The following OTOF variants were observed in gnomAD, a reference collection of about 807,000 sequenced individuals.
OTOF encodes the protein fer-1-like family member 2.
OTOF carries 218 observed loss-of-function variants against 236.8 expected under a neutral mutation model. The observed-to-expected ratio is 0.92, with a 90% CI of 0.82 to 1.03. The LOEUF is 1.03. OTOF is among the 50% of genes least tolerant of loss of function. OTOF has a pLI of 0.00. For missense variants in OTOF, 2,590 were observed against 2,694.4 expected (o/e 0.96, Z 0.86); for synonymous variants, 1,041 against 1,072.5 (o/e 0.97, Z 0.57).
chr2:26,517,328 C>G (rs574929443), intron 4 of OTOF, among the ~76,000 whole-genome samples: 1 of 152,204 alleles, frequency 6.6e-6, no homozygotes, highest in Admixed American at 6.5e-5. Context: ...GTGCCCCAGA[C>G]AGGCGGCCCT....
chr2:26,477,278 C>G lies in OTOF; in HGVS notation c.2417G>C (p.Gly806Ala). ...GGCCCGCAGCATCCTGGCCTGCTGC[C>G]CCATGTTTTCCTGCGAAGGAGGGGG... ...KSCMRELENM[G>A]QQARMLRAQV... The change falls in exon 21 of 47, where the codon GGG becomes GCG. Residue 806 changes from glycine to alanine, a missense_variant. This residue lies in a region of OTOF where 1,379 missense variants were observed against 1,341.6 expected (regional missense o/e 1.03). Coordinates refer to ENST00000272371, the MANE Select transcript of OTOF (RefSeq NM_194248.3). The surrounding 1 kb of genome is among the most constrained non-coding windows in gnomAD (Gnocchi z 4.7). 1 of 1,609,112 alleles carries G rather than the reference C, an allele frequency of 6.2e-7. No homozygotes were observed. The highest frequency in any genetic ancestry group is 8.5e-7 in the Non-Finnish European group (1 of 1,178,878).
chr2:26,555,737 C>T (rs775322568), intron 1 of OTOF, among the ~76,000 whole-genome samples: 76 of 152,280 alleles, frequency 5.0e-4, no homozygotes, highest in Non-Finnish European at 7.9e-4. Flanking sequence ...CTCTCCTCTT[C>T]CCTTTATATC....
intron 8 of OTOF, 102 bp from the exon 9 acceptor site, chr2:26,495,175 C>A: frequency 7.8e-7 from 1 of 1,288,866 alleles, no homozygotes; most frequent in Middle Eastern, 2.1e-4. Flanking sequence ...AGAGGGAGGG[C>A]CCGGGAGCCA....
Position 26,495,091 on chromosome 2 carries a change from G to A in OTOF, c.766-18C>T. The A allele has an allele frequency of 1.9e-6, 3 of 1,613,958 alleles. No homozygotes were observed. The South Asian group carries it at 3.3e-5, about 18-fold the overall frequency. ...ATGCTGACCTGCAGGCAGGAGAAGG[G>A]GGAGCCAGAAGGAAAGCTGCCTGAG... On this transcript the variant is annotated intron_variant, in intron 8 of 46. Coordinates refer to ENST00000272371, the MANE Select transcript of OTOF (RefSeq NM_194248.3).
At chr2:26,489,572 G>A (rs910489392) in intron 10 of OTOF, 106 bp downstream of exon 10, 41 of 951,080 alleles carry the variant, frequency 4.3e-5, no homozygotes, top group East Asian at 7.5e-5. Context: ...CAGGCACGGC[G>A]CTGCCTCTTT....
Position 26,461,880 on chromosome 2 carries a change from G to A in OTOF, c.5349C>T (p.Leu1783=), listed in dbSNP as rs774746986. ...KQDTDVHYHS[L]TGEGNFNWRY... is the part of the protein sequence containing the mutation. ...GCCAGTTGAAGTTGCCCTCGCCAGT[G>A]AGGGAGTGGTAGTGGACGTCTGTGT... The change falls in exon 43 of 47, where the codon CTC becomes CTT. Residue 1783 remains leucine (L), a synonymous_variant. Transcript: ENST00000272371. The surrounding 1 kb of genome is among the most constrained non-coding windows in gnomAD (Gnocchi z 6.2). The A allele has an allele frequency of 4.3e-6, 7 of 1,614,072 alleles. No homozygotes were observed. Among genetic ancestry groups the A allele is most frequent in the Non-Finnish European group, 5.9e-6 (7 of 1,180,034 alleles).
intron 1 of OTOF, among the ~76,000 whole-genome samples, chr2:26,540,912 C>A (rs529955532): frequency 1.3e-5 from 2 of 152,356 alleles, no homozygotes; most frequent in African/African-American, 4.8e-5. Context: ...AATATCTCAA[C>A]AACAAGCCCC....
chr2:26,522,253 C>T (rs918804866), intron 3 of OTOF, among the ~76,000 whole-genome samples: 1 of 152,216 alleles, frequency 6.6e-6, no homozygotes, highest in Non-Finnish European at 1.5e-5. Context: ...TTGATATTAT[C>T]TCAGCCTTAT....
At position 26,480,233 on chromosome 2, in the gene OTOF, C is replaced by T. The variant is rs1004631548; in HGVS notation, c.1882G>A (p.Asp628Asn). 15 of 1,612,630 alleles carry T rather than the reference C, an allele frequency of 9.3e-6. 1 individual carries two copies. The highest frequency in any genetic ancestry group is 2.2e-5 in the South Asian group (2 of 91,076). The change falls in exon 16 of 47, where the codon GAC (aspartate) becomes AAC (asparagine). Residue 628 changes from aspartate to asparagine, a missense_variant. By Grantham distance (23) the Asp-to-Asn change is conservative. Coordinates refer to ENST00000272371, the MANE Select transcript of OTOF (RefSeq NM_194248.3). ...EASMIDRRNG[D>N]KPITFEVTIG... is the part of the protein sequence containing the mutation. ...GTGACCTCAAAGGTGATGGGCTTGT[C>T]TCCGTTTCTCCGGTCGATCATTGAG...
chr2:26,550,756 C>T (rs1043887928), intron 1 of OTOF, among the ~76,000 whole-genome samples: 6 of 152,190 alleles, frequency 3.9e-5, no homozygotes, highest in African/African-American at 7.2e-5. Flanking sequence ...CCGCCTGCCC[C>T]GGGCTTCCTC....
At position 26,477,528 on chromosome 2, in the gene OTOF, G is replaced by T. The variant is rs1261802067; in HGVS notation, c.2316-22C>A. 2 of 1,597,580 alleles carry T rather than the reference G, an allele frequency of 1.3e-6. No individual in the cohort carries two copies. Among genetic ancestry groups the T allele is most frequent in the African/African-American group, 2.7e-5 (2 of 74,788 alleles). ...GCGGCTGGGGGTAGGGCGAGCCGGG[G>T]TTTAGCGAGCCTGACCAGCAGGGGC... On this transcript the variant is annotated intron_variant, in intron 19 of 46. Transcript: ENST00000272371. The surrounding 1 kb of genome is among the most constrained non-coding windows in gnomAD (Gnocchi z 4.7).
intron 1 of OTOF, among the ~76,000 whole-genome samples, chr2:26,544,339 G>T (rs1667279352): frequency 6.6e-6 from 1 of 152,126 alleles, no homozygotes; most frequent in African/African-American, 2.4e-5. Flanking sequence ...TCCCTTTCCA[G>T]TCGATTTCTA....
intron 6 of OTOF, 126 bp from the exon 7 acceptor site, chr2:26,502,552 G>T: frequency 1.1e-6 from 1 of 946,192 alleles, no homozygotes; most frequent in Non-Finnish European, 1.6e-6. Context: ...CTACCGCTTA[G>T]AATATTATGG....
chr2:26,553,261 C>T (rs1454037625), intron 1 of OTOF, among the ~76,000 whole-genome samples: 1 of 152,128 alleles, frequency 6.6e-6, no homozygotes, highest in Non-Finnish European at 1.5e-5. Flanking sequence ...GTGGCTTCCC[C>T]GACATGGAAC....
chr2:26,550,998 TC>T (rs149945092), intron 1 of OTOF, among the ~76,000 whole-genome samples: 3,655 of 152,238 alleles, frequency 0.024, 66 homozygotes, highest in Middle Eastern at 0.051. Flanking sequence ...ATGGCTTTTT[TC>T]CCCCCCTTGA....
At chr2:26,507,305 A>G (rs1666274085) in intron 5 of OTOF, among the ~76,000 whole-genome samples, 1 of 152,212 alleles carries the variant, frequency 6.6e-6, no homozygotes, top group African/African-American at 2.4e-5. Flanking sequence ...CATCACTGCC[A>G]CTAGCCTTTG....
chr2:26,479,331 C>A lies in OTOF; in HGVS notation c.2147G>T (p.Ser716Ile). The A allele has an allele frequency of 6.2e-7, 1 of 1,612,800 alleles. No homozygotes were observed. The highest frequency in any genetic ancestry group is 8.5e-7 in the Non-Finnish European group (1 of 1,179,948). The change falls in exon 18 of 47, where the codon AGC (serine) becomes ATC (isoleucine). Residue 716 changes from serine (S) to isoleucine (I), a missense_variant. Around this residue, in one of 2 missense-constraint regions of OTOF, gnomAD observed 1,379 missense variants for 1,341.6 expected, o/e 1.03. Coordinates refer to ENST00000272371, the MANE Select transcript of OTOF (RefSeq NM_194248.3). Reference sequence around the variant, plus strand: ...GCGGCGGCGCTGGTCCGGCCACCAGCTCTTGATGTAGATGCAGGGCTTTCG... The same window carrying A: ...GCGGCGGCGCTGGTCCGGCCACCAGATCTTGATGTAGATGCAGGGCTTTCG... ...LERKPCIYIK[S>I]WWPDQRRRLY...
At position 26,489,208 on chromosome 2, in the gene OTOF, C is replaced by T; in HGVS notation, c.1045+3G>A. The T allele has an allele frequency of 1.2e-6, 2 of 1,608,010 alleles. No homozygotes were observed. The highest frequency in any genetic ancestry group is 8.5e-7 in the Non-Finnish European group (1 of 1,176,422). On this transcript the variant is annotated splice_donor_region_variant and intron_variant, in intron 11 of 46. Coordinates refer to ENST00000272371, the MANE Select transcript of OTOF (RefSeq NM_194248.3). ...GACTGACTGGCCATGCGCAGGTACT[C>T]ACCTGGCTGCGAGTACACGGTTCCC...
At position 26,537,690 on chromosome 2, in the gene OTOF, G is replaced by A. The variant is rs765899656; in HGVS notation, c.138+26C>T. The A allele has an allele frequency of 4.7e-5, 72 of 1,533,460 alleles. No individual in the cohort carries two copies. In the South Asian group the frequency reaches 8.4e-4, roughly 18 times the overall value. The allele number at this position is 1,533,460 out of a possible 1,614,324, so 95.0% of individuals were successfully genotyped here. On this transcript the variant is annotated intron_variant, in intron 2 of 46. Transcript: ENST00000272371. Reference sequence around the variant, plus strand: ...GTTCCCCTCTGGGCTCAGGGCTGAGGGAGGGGGGAGTCTTGGGCCTCCTAC... The same window carrying A: ...GTTCCCCTCTGGGCTCAGGGCTGAGAGAGGGGGGAGTCTTGGGCCTCCTAC...
Sources: allele counts gnomAD v4.1 joint callset (sites outside exome capture counted in the v4.1 genomes callset), GRCh38; gene constraint gnomAD v4.1.1; regional missense constraint gnomAD v4.1.1; non-coding constraint Gnocchi (gnomAD v3.1); transcripts MANE v1.5; gene names NCBI Gene and HGNC (gene_info 2026-07-23, HGNC 2026-07-21).